TIA1: variants seen among roughly 807,000 people sequenced by gnomAD.
TIA1 encodes TIA1 cytotoxic granule associated RNA binding protein.
In TIA1, 23 loss-of-function variants were observed where a neutral mutation model predicts 65.9. The observed-to-expected ratio is 0.35, with a 90% CI of 0.25 to 0.49. The LOEUF (loss-of-function observed/expected upper bound fraction) is 0.49. Ranked by LOEUF, TIA1 falls within the 20% of genes least tolerant of loss-of-function variation. TIA1 has a pLI of 0.98. For synonymous variants in TIA1, 147 were observed against 149.4 expected, an observed-to-expected ratio of 0.98 and a Z score of 0.12; for missense variants, 371 against 477.9, an observed-to-expected ratio of 0.78 and a Z score of 2.09.
chr2:70,243,771 G>A (rs1213093349), intron 1 of TIA1, among the ~76,000 whole-genome samples: 1 of 152,096 alleles, frequency 6.6e-6, no homozygotes, highest in Non-Finnish European at 1.5e-5. Flanking sequence ...ATTCTCACAT[G>A]CCACATCTAA....
At chr2:70,224,271 G>A (rs1359892837) in intron 7 of TIA1, among the ~76,000 whole-genome samples, 2 of 152,214 alleles carry the variant, frequency 1.3e-5, no homozygotes, top group South Asian at 4.1e-4. Flanking sequence ...TATAAACTAG[G>A]GAGATAATGA....
At chr2:70,238,967 G>A (rs1326627307) in intron 1 of TIA1, among the ~76,000 whole-genome samples, 1 of 152,146 alleles carries the variant, frequency 6.6e-6, no homozygotes, top group Admixed American at 6.5e-5. Context: ...TACTTCGGAC[G>A]CTGAGGTGGG....
Position 70,211,862 on chromosome 2 carries a change from T to A in TIA1, c.*857A>T, listed in dbSNP as rs1210499579. On this transcript the variant is annotated 3_prime_UTR_variant, in exon 13 of 13. Coordinates refer to ENST00000433529, the MANE Select transcript of TIA1 (RefSeq NM_022173.4). ...GAAATAATACATGTAAATGTTGAAG[T>A]TGACACATGAAATTAACATGGCATA... 3 of 152,562 alleles carry A rather than the reference T, an allele frequency of 2.0e-5. No homozygotes were observed. The highest frequency in any genetic ancestry group is 1.3e-4 in the Admixed American group (2 of 15,284). 9.5% of individuals were successfully genotyped at this position (152,562 alleles called of 1,614,324 possible).
At chr2:70,229,851 T>C (rs533697863) in intron 3 of TIA1, among the ~76,000 whole-genome samples, 2 of 152,002 alleles carry the variant, frequency 1.3e-5, no homozygotes, top group South Asian at 2.1e-4. Flanking sequence ...AGCAGAAGAA[T>C]TGCTTGAACC....
At chr2:70,228,493 C>T (rs1403223124) in intron 5 of TIA1, 1 of 1,253,874 alleles carries the variant, frequency 8.0e-7, no homozygotes, top group Admixed American at 2.7e-5. Context: ...ACAGTAATCC[C>T]TTCACTTTAT....
intron 7 of TIA1, among the ~76,000 whole-genome samples, chr2:70,220,019 TGGCCTTATTTGGAAACAG>T (rs1680534699): frequency 6.6e-6 from 1 of 151,162 alleles, no homozygotes; most frequent in Non-Finnish European, 1.5e-5. Context: ...CTGTGAAATA[TGGCCTTATTTGGAAACAG>T]GGTCTTTGCC....
chr2:70,217,794 T>C (rs1367131905), intron 7 of TIA1, among the ~76,000 whole-genome samples: 1 of 152,238 alleles, frequency 6.6e-6, no homozygotes, highest in Non-Finnish European at 1.5e-5. Flanking sequence ...CCAATGGTGC[T>C]TTTGTATTGT....
chr2:70,216,797 A>G (rs1678813893), intron 8 of TIA1, 89 bp downstream of exon 8: 1 of 1,608,614 alleles, frequency 6.2e-7, no homozygotes, highest in Non-Finnish European at 8.5e-7. Flanking sequence ...TATTTCTGCA[A>G]TAAGTCTCCG....
chr2:70,212,491 T>G lies in TIA1; in HGVS notation c.*228A>C, dbSNP rs1327749214. The G allele has an allele frequency of 2.6e-6, 1 of 379,376 alleles. No homozygotes were observed. Among genetic ancestry groups the G allele is most frequent in the African/African-American group, 2.0e-5 (1 of 49,168 alleles). 23.5% of individuals were successfully genotyped at this position (379,376 alleles called of 1,614,324 possible). ...TGTTTGAAACAAGGATCTGAGAAAC[T>G]TTATCAAAAAAGGTAATGAAGGCAA... On this transcript the variant is annotated 3_prime_UTR_variant, in exon 13 of 13. Coordinates refer to ENST00000433529, the MANE Select transcript of TIA1 (RefSeq NM_022173.4).
At chr2:70,224,137 C>CA (rs1682788356) in intron 7 of TIA1, among the ~76,000 whole-genome samples, 1 of 151,866 alleles carries the variant, frequency 6.6e-6, no homozygotes. Context: ...TGGCTGTTCT[C>CA]AAAGTCCTGA....
At position 70,209,751 on chromosome 2, in the gene TIA1, C is replaced by T. The variant is rs928110611; in HGVS notation, c.*2968G>A. 2.5e-6 allele frequency: 1 copy of T among 398,270 alleles called. No homozygotes were observed. The highest frequency in any genetic ancestry group is 4.4e-5 in the Admixed American group (1 of 22,728). 24.7% of individuals were successfully genotyped at this position (398,270 alleles called of 1,614,324 possible). ...CTGATTTTTTTTAAAGAAATCATCA[C>T]TCTCATTTGAAAGGTTTGCTTTCTT... On this transcript the variant is annotated 3_prime_UTR_variant, in exon 13 of 13. Coordinates refer to ENST00000433529, the MANE Select transcript of TIA1 (RefSeq NM_022173.4).
intron 1 of TIA1, among the ~76,000 whole-genome samples, chr2:70,244,567 G>A (rs562074025): frequency 1.6e-4 from 25 of 152,254 alleles, no homozygotes; most frequent in Middle Eastern, 3.4e-3. Context: ...AAATAGGTCT[G>A]ATTGTCGCCT....
intron 2 of TIA1, among the ~76,000 whole-genome samples, chr2:70,231,951 C>T (rs759755818): frequency 2.0e-5 from 3 of 151,946 alleles, no homozygotes; most frequent in Non-Finnish European, 4.4e-5. Context: ...GCCTGTAATC[C>T]CAGCACTTCG....
intron 2 of TIA1, among the ~76,000 whole-genome samples, chr2:70,231,221 G>C (rs1327009350): frequency 6.6e-6 from 1 of 152,174 alleles, no homozygotes; most frequent in Admixed American, 6.6e-5. Context: ...AGAATTGCTT[G>C]AACCCGGGAG....
Position 70,214,334 on chromosome 2 carries a change from A to G in TIA1, c.1034+15T>C, listed in dbSNP as rs761764048. 3.7e-6 allele frequency: 6 copies of G among 1,601,602 alleles called. No individual in the cohort carries two copies. Among genetic ancestry groups the G allele is most frequent in the East Asian group, 2.2e-5 (1 of 44,760 alleles). On this transcript the variant is annotated intron_variant, in intron 12 of 12. Coordinates refer to ENST00000433529, the MANE Select transcript of TIA1 (RefSeq NM_022173.4). ...TTTTCAAAGGTTAGTAAAGGAAGAC[A>G]TAAGATATGCTTACTTAAATCCTTG... is the stretch of plus-strand genomic sequence containing the variant.
At chr2:70,239,904 C>A (rs557080559) in intron 1 of TIA1, among the ~76,000 whole-genome samples, 1 of 152,260 alleles carries the variant, frequency 6.6e-6, no homozygotes, top group East Asian at 1.9e-4. Context: ...ATAGTGTAAT[C>A]TAATAGCTCT....
At chr2:70,233,916 AAATGTGAACATTAGTCTCAG>A (rs1341692925) in intron 2 of TIA1, among the ~76,000 whole-genome samples, 1 of 152,226 alleles carries the variant, frequency 6.6e-6, no homozygotes, top group African/African-American at 2.4e-5. Context: ...TAAAATTTAT[AAATGTGAACATTAGTCTCAG>A]AATGTGAACA....
chr2:70,241,654 T>C (rs1233679408), intron 1 of TIA1, among the ~76,000 whole-genome samples: 3 of 151,744 alleles, frequency 2.0e-5, no homozygotes, highest in Non-Finnish European at 4.4e-5. Flanking sequence ...CCTTCCAAAG[T>C]GTCGGTAGGG....
intron 7 of TIA1, among the ~76,000 whole-genome samples, chr2:70,217,909 G>A (rs1679379899): frequency 6.6e-6 from 1 of 151,864 alleles, no homozygotes; most frequent in Admixed American, 6.6e-5. Flanking sequence ...ATGCAACTCA[G>A]ACTACTATAG....
Sources: allele counts gnomAD v4.1 joint callset (sites outside exome capture counted in the v4.1 genomes callset), GRCh38; gene constraint gnomAD v4.1.1; transcripts MANE v1.5; gene names NCBI Gene and HGNC (gene_info 2026-07-23, HGNC 2026-07-21).